MCM6: variants seen among roughly 807,000 people sequenced by gnomAD.
MCM6 encodes DNA replication licensing factor MCM6.
MCM6 carries 46 observed loss-of-function variants against 94.3 expected under a neutral mutation model. The ratio of observed to expected loss-of-function variants is 0.49; its 90% CI spans 0.39 to 0.62. The LOEUF (loss-of-function observed/expected upper bound fraction) is 0.62. MCM6 is among the 20% of genes least tolerant of loss of function. The pLI, the probability that MCM6 is intolerant of heterozygous loss-of-function variation, is 0.00. For synonymous variants in MCM6, 335 were observed against 351.9 expected, an observed-to-expected ratio of 0.95 and a Z score of 0.54; for missense variants, 865 against 1,017.9, an observed-to-expected ratio of 0.85 and a Z score of 2.04.
chr2:135,874,051 T>C (rs923331689), intron 1 of MCM6, among the ~76,000 whole-genome samples: 13 of 152,232 alleles, frequency 8.5e-5, no homozygotes, highest in African/African-American at 3.1e-4. Context: ...ATTTGAACTT[T>C]ATTCCACAAG....
At chr2:135,843,053 G>C (rs1216701190) in intron 16 of MCM6, among the ~76,000 whole-genome samples, 1 of 152,180 alleles carries the variant, frequency 6.6e-6, no homozygotes, top group Non-Finnish European at 1.5e-5. Context: ...TGGTGGCTTG[G>C]GTGGGCTGGT....
rs1558760732 is a variant in MCM6 at position 135,862,655 on chromosome 2, T to G, written c.1172A>C (p.Asn391Thr). Residue 391 changes from asparagine to threonine, a missense_variant, in exon 8 of 17, where the codon AAT (asparagine) becomes ACT (threonine). Physicochemically the swap from Asn to Thr is moderately conservative, Grantham distance 65. Coordinates refer to ENST00000264156, the MANE Select transcript of MCM6 (RefSeq NM_005915.6). ...GEGTSLRGDINVCIVGDPSTA... is the reference protein window; with the variant it reads ...GEGTSLRGDITVCIVGDPSTA... ...ACTTGGGTCACCAACAATGCAAACA[T>G]TTATGTCCCCTCGAAGAGAGGTCCC... The G allele has an allele frequency of 1.2e-6, 2 of 1,614,138 alleles. No homozygotes were observed. Among genetic ancestry groups the G allele is most frequent in the Non-Finnish European group, 1.7e-6 (2 of 1,180,028 alleles).
intron 16 of MCM6, among the ~76,000 whole-genome samples, chr2:135,841,532 GC>G (rs1679570579): frequency 6.6e-6 from 1 of 152,124 alleles, no homozygotes; most frequent in Non-Finnish European, 1.5e-5. Flanking sequence ...AATGAGAAGA[GC>G]TCCTAGCCAA....
chr2:135,861,096 T>C (rs1411229843), intron 8 of MCM6, among the ~76,000 whole-genome samples: 1 of 152,134 alleles, frequency 6.6e-6, no homozygotes, highest in Non-Finnish European at 1.5e-5. Flanking sequence ...AGGACTACTA[T>C]CTTAAAATCT....
chr2:135,866,289 T>C lies in MCM6; in HGVS notation c.782-12A>G, dbSNP rs1680093505. 1.2e-6 allele frequency: 2 copies of C among 1,613,314 alleles called. No homozygotes were observed. The highest frequency in any genetic ancestry group is 1.7e-4 in the Middle Eastern group (1 of 6,060). ...TTCTGCACGTGCTCCTGAAACAGAA[T>C]GATAGGTTGTTTCACAACTTAAATA... On this transcript the variant is annotated splice_polypyrimidine_tract_variant and intron_variant, in intron 5 of 16. Coordinates refer to ENST00000264156, the MANE Select transcript of MCM6 (RefSeq NM_005915.6).
In MCM6 at chr2:135,842,318, TCA is replaced by T. The variant is rs1216389536; in HGVS notation, c.2350-1369_2350-1368del. Among the ~76,000 whole-genome samples, 12 of 152,162 alleles carry T rather than the reference TCA, an allele frequency of 7.9e-5. No individual in the cohort carries two copies. In the South Asian group the frequency reaches 1.9e-3, roughly 24 times the overall value. ...CTTACACCTCCCTACCCCTCAATAATCACAGACTGATCTACCTTCACAGGAAA... is the reference window on the plus strand; with the variant it reads ...CTTACACCTCCCTACCCCTCAATAATCAGACTGATCTACCTTCACAGGAAA... On this transcript the variant is annotated intron_variant, in intron 16 of 16. Transcript: ENST00000264156.
chr2:135,872,957 T>C, intron 1 of MCM6, 114 bp from the exon 2 acceptor site: 1 of 1,302,650 alleles, frequency 7.7e-7, no homozygotes, highest in Non-Finnish European at 1.1e-6. Context: ...GGCCCATGTT[T>C]GGCAGTTCTG....
At position 135,864,932 on chromosome 2, in the gene MCM6, G is replaced by A. The variant is rs541765288; in HGVS notation, c.1078+81C>T. 3.7e-5 allele frequency: 42 copies of A among 1,121,608 alleles called. No homozygotes were observed. In the East Asian group the frequency reaches 1.1e-3, roughly 29 times the overall value. 69.5% of individuals were successfully genotyped at this position (1,121,608 alleles called of 1,614,324 possible). A position where few individuals can be genotyped will look rare whatever the true frequency, so the allele number is the denominator to read the frequency against. On this transcript the variant is annotated intron_variant, in intron 7 of 16. Coordinates refer to ENST00000264156, the MANE Select transcript of MCM6 (RefSeq NM_005915.6). ...TAAAAACTTTCACAGTCTGATTTAT[G>A]TGCTTTCAGAAATCACCTGTGGCTG...
chr2:135,855,593 G>T (rs1679857316), intron 11 of MCM6, among the ~76,000 whole-genome samples: 2 of 152,198 alleles, frequency 1.3e-5, no homozygotes, highest in Non-Finnish European at 2.9e-5. Context: ...TGGAACCCAG[G>T]AGATTGAGGC....
chr2:135,859,553 C>A, intron 8 of MCM6, 111 bp from the exon 9 acceptor site: 1 of 687,794 alleles, frequency 1.5e-6, no homozygotes, highest in Non-Finnish European at 2.3e-6. Flanking sequence ...AGAGCTTAAG[C>A]AATTCATGAA....
chr2:135,848,844 C>T (rs1679716126), intron 13 of MCM6, among the ~76,000 whole-genome samples: 1 of 152,116 alleles, frequency 6.6e-6, no homozygotes, highest in Non-Finnish European at 1.5e-5. Context: ...GAGATTGTGA[C>T]ACTGCACTCC....
chr2:135,857,749 A>G (rs1197866053), intron 10 of MCM6, 148 bp downstream of exon 10: 1 of 610,308 alleles, frequency 1.6e-6, no homozygotes, highest in Non-Finnish European at 2.9e-6. Context: ...TATAGTTTCA[A>G]TAAATAATTC....
At chr2:135,843,845 T>G (rs1679624071) in intron 16 of MCM6, among the ~76,000 whole-genome samples, 1 of 151,820 alleles carries the variant, frequency 6.6e-6, no homozygotes, top group South Asian at 2.1e-4. Context: ...GAAGACACTA[T>G]TTGTAGGAGT....
At position 135,840,515 on chromosome 2, in the gene MCM6, AG is replaced by A; in HGVS notation, c.*319del. 5.2e-6 allele frequency: 1 copy of A among 193,320 alleles called. No homozygotes were observed. The highest frequency in any genetic ancestry group is 1.7e-4 in the South Asian group (1 of 5,952). The allele number at this position is 193,320 out of a possible 1,614,324, so 12.0% of individuals were successfully genotyped here. ...ATTGAAAAAAAGTTATTTGCTCAAT[AG>A]GACAGCACATACCTTAAAAGTAATG... On this transcript the variant is annotated 3_prime_UTR_variant, in exon 17 of 17. Coordinates refer to ENST00000264156, the MANE Select transcript of MCM6 (RefSeq NM_005915.6).
intron 15 of MCM6, 94 bp downstream of exon 15, chr2:135,846,143 C>A (rs1679666487): frequency 3.1e-6 from 4 of 1,298,058 alleles, no homozygotes; most frequent in Non-Finnish European, 4.3e-6. Context: ...TCTCTTCCGA[C>A]AGAACAACAC....
chr2:135,868,605 A>C lies in MCM6; in HGVS notation c.615+6T>G. ...ACTCTGATCTAAACAGATGTTAAATAAATACCTTTTGAAAATCAACAAATC... is the reference window on the plus strand; with the variant it reads ...ACTCTGATCTAAACAGATGTTAAATCAATACCTTTTGAAAATCAACAAATC... On this transcript the variant is annotated splice_donor_region_variant and intron_variant, in intron 4 of 16. Coordinates refer to ENST00000264156, the MANE Select transcript of MCM6 (RefSeq NM_005915.6). 1 of 1,613,518 alleles carries C rather than the reference A, an allele frequency of 6.2e-7. No individual in the cohort carries two copies. The highest frequency in any genetic ancestry group is 8.5e-7 in the Non-Finnish European group (1 of 1,179,376).
chr2:135,864,520 C>T (rs1436504944), intron 7 of MCM6, among the ~76,000 whole-genome samples: 3 of 151,914 alleles, frequency 2.0e-5, no homozygotes, highest in East Asian at 3.8e-4. Context: ...CACAAAAAGG[C>T]CAGGAGACTA....
Position 135,861,994 on chromosome 2 carries a change from G to A in MCM6, c.1220+613C>T, listed in dbSNP as rs562777295. ...CCTGTATCTAGCAATTTACCCAGAG[G>A]AAACAAACAAAAAATGTATATAACA... On this transcript the variant is annotated intron_variant, in intron 8 of 16. Transcript: ENST00000264156. Among the ~76,000 whole-genome samples the A allele has an allele frequency of 3.5e-4, 53 of 151,836 alleles. No individual in the cohort carries two copies. In the East Asian group the frequency reaches 9.3e-3, roughly 27 times the overall value.
intron 7 of MCM6, 69 bp downstream of exon 7, chr2:135,864,944 A>C: frequency 8.2e-7 from 1 of 1,213,808 alleles, no homozygotes; most frequent in Non-Finnish European, 1.1e-6. Flanking sequence ...GCTTTCAGAA[A>C]TCACCTGTGG....
Sources: gnomAD v4.1 joint callset for allele counts (sites outside exome capture counted in the v4.1 genomes callset) on GRCh38, gnomAD v4.1.1 for gene constraint, MANE v1.5 for transcripts, NCBI Gene and HGNC (gene_info 2026-07-23, HGNC 2026-07-21) for gene names.